The following PARD3B variants were observed in gnomAD, a reference collection of about 807,000 sequenced individuals.
The protein encoded by PARD3B is partitioning defective 3 homolog B.
A neutral mutation model predicts 130.2 loss-of-function variants in PARD3B; 103 were observed. The observed-to-expected ratio is 0.79, with a 90% CI of 0.67 to 0.93. The LOEUF is 0.93. PARD3B is among the 40% of genes least tolerant of loss of function. PARD3B has a pLI of 0.00. For missense variants in PARD3B, 1,609 were observed against 1,499.2 expected (o/e 1.07, Z -1.21); for synonymous variants, 583 against 553.2 (o/e 1.05, Z -0.76).
At position 205,463,362 on chromosome 2, in the gene PARD3B, C is replaced by T. The variant is rs1365918214; in HGVS notation, c.3044+22690C>T. Among the ~76,000 whole-genome samples the T allele has an allele frequency of 6.6e-6, 1 of 151,488 alleles. No homozygotes were observed. The highest frequency in any genetic ancestry group is 2.4e-5 in the African/African-American group (1 of 41,146). On this transcript the variant is annotated intron_variant, in intron 20 of 22. Coordinates refer to ENST00000406610, the MANE Select transcript of PARD3B (RefSeq NM_001302769.2). The surrounding 1 kb of genome is among the most constrained non-coding windows in gnomAD (Gnocchi z 4.8). ...GGCATCCAGAGTAGCCATGGCCTGGCCAGGCACTGCCTTGCGGCCCTTCCA... is the reference window on the plus strand; with the variant it reads ...GGCATCCAGAGTAGCCATGGCCTGGTCAGGCACTGCCTTGCGGCCCTTCCA...
At chr2:204,804,203 T>A (rs192171059) in intron 2 of PARD3B, among the ~76,000 whole-genome samples, 1 of 152,206 alleles carries the variant, frequency 6.6e-6, no homozygotes, top group African/African-American at 2.4e-5. Context: ...TACTCCAGCC[T>A]AGGCGACAGA....
chr2:205,036,333 A>G (rs1400226611), intron 3 of PARD3B, among the ~76,000 whole-genome samples: 1 of 147,016 alleles, frequency 6.8e-6, no homozygotes, highest in Non-Finnish European at 1.5e-5. Context: ...GGCTATATAT[A>G]TAAAAATATA....
rs2040432368 is a variant in PARD3B at position 205,264,539 on chromosome 2, T to C, written c.2185+18717T>C. 3.3e-5 allele frequency among the ~76,000 whole-genome samples: 5 copies of C among 151,084 alleles called. No homozygotes were observed. The Admixed American group carries it at 3.3e-4, about 10-fold the overall frequency. ...GAGGATCTTAAACAGAAAAATGAGATCTTTGTTCAAGTTTTTAAATATTAG... is the reference window on the plus strand; with the variant it reads ...GAGGATCTTAAACAGAAAAATGAGACCTTTGTTCAAGTTTTTAAATATTAG... On this transcript the variant is annotated intron_variant, in intron 16 of 22. Transcript: ENST00000406610.
chr2:205,172,316 A>T lies in PARD3B; in HGVS notation c.1726A>T (p.Met576Leu), dbSNP rs1300820633. Residue 576 changes from methionine (M) to leucine (L), a missense_variant, in exon 12 of 23, where the codon ATG becomes TTG. Physicochemically the swap from Met to Leu is conservative, Grantham distance 15. Coordinates refer to ENST00000406610, the MANE Select transcript of PARD3B (RefSeq NM_001302769.2). ...AMETLRRSMS[M>L]EGNIRGMIQL... ...GGAAACACTTAGGCGGTCAATGTCC[A>T]TGGAGGGAAACATCCGAGGGATGAT... The T allele has an allele frequency of 1.2e-6, 2 of 1,614,036 alleles. No homozygotes were observed. Among genetic ancestry groups the T allele is most frequent in the Non-Finnish European group, 1.7e-6 (2 of 1,180,022 alleles).
chr2:204,547,283 T>A (rs2030049102), intron 1 of PARD3B, among the ~76,000 whole-genome samples: 1 of 152,092 alleles, frequency 6.6e-6, no homozygotes, highest in Non-Finnish European at 1.5e-5. Flanking sequence ...AGAAAAAAAA[T>A]TCAGCTCTGG....
intron 22 of PARD3B, among the ~76,000 whole-genome samples, chr2:205,571,379 CTCACTGTCTTGG>C (rs2106547946): frequency 6.6e-6 from 1 of 152,318 alleles, no homozygotes; most frequent in East Asian, 1.9e-4. Context: ...TAACAAGCTG[CTCACTGTCTTGG>C]CCAAATTAGG....
chr2:204,586,230 C>CT (rs1200589563), intron 1 of PARD3B, among the ~76,000 whole-genome samples: 1 of 152,178 alleles, frequency 6.6e-6, no homozygotes, highest in Non-Finnish European at 1.5e-5. Context: ...ACCTGACACT[C>CT]TTTTAATTAA....
chr2:205,058,411 A>G (rs1559398713), intron 4 of PARD3B, among the ~76,000 whole-genome samples: 1 of 151,962 alleles, frequency 6.6e-6, no homozygotes, highest in Non-Finnish European at 1.5e-5. Flanking sequence ...CGGGTGTAAA[A>G]TATCTCTTCC....
intron 1 of PARD3B, among the ~76,000 whole-genome samples, chr2:204,660,963 C>T (rs1238882303): frequency 6.6e-6 from 1 of 152,146 alleles, no homozygotes; most frequent in African/African-American, 2.4e-5. Flanking sequence ...TCTTTCATTG[C>T]AGTGCCTGGA....
intron 21 of PARD3B, among the ~76,000 whole-genome samples, chr2:205,512,864 A>G (rs926778919): frequency 2.0e-4 from 31 of 152,226 alleles, no homozygotes; most frequent in Non-Finnish European, 3.4e-4. Context: ...CCCCCAAACC[A>G]TGTGGAGACA....
intron 2 of PARD3B, among the ~76,000 whole-genome samples, chr2:204,844,690 T>G (rs754496113): frequency 6.6e-6 from 1 of 152,172 alleles, no homozygotes; most frequent in Non-Finnish European, 1.5e-5. Context: ...TGATAAAGCA[T>G]TGCTCCAGCT....
Position 205,562,873 on chromosome 2 carries a change from A to AC in PARD3B, c.3260+9471dup, listed in dbSNP as rs1287328723. On this transcript the variant is annotated intron_variant, in intron 22 of 22. Coordinates refer to ENST00000406610, the MANE Select transcript of PARD3B (RefSeq NM_001302769.2). The surrounding 1 kb of genome is among the most constrained non-coding windows in gnomAD (Gnocchi z 5.4). ...GTCTTCTCTGACTCCAGCCATTTGC[A>AC]CTGTCCCTTGATTCAAGTTCCTGGG... Among the ~76,000 whole-genome samples the AC allele has an allele frequency of 6.6e-6, 1 of 152,154 alleles. No individual in the cohort carries two copies. Among genetic ancestry groups the AC allele is most frequent in the Non-Finnish European group, 1.5e-5 (1 of 68,038 alleles).
chr2:205,457,969 T>G (rs1397127685), intron 20 of PARD3B, among the ~76,000 whole-genome samples: 1 of 152,170 alleles, frequency 6.6e-6, no homozygotes, highest in Non-Finnish European at 1.5e-5. Flanking sequence ...TATTCTAAAA[T>G]CCAAACACAT....
intron 20 of PARD3B, among the ~76,000 whole-genome samples, chr2:205,444,309 C>T (rs2047830801): frequency 6.6e-6 from 1 of 151,920 alleles, no homozygotes; most frequent in Non-Finnish European, 1.5e-5. Context: ...TTTTAACTAT[C>T]CAGGTGTGGT....
chr2:205,582,223 A>G (rs2054014566), intron 22 of PARD3B, among the ~76,000 whole-genome samples: 2 of 152,190 alleles, frequency 1.3e-5, no homozygotes, highest in African/African-American at 4.8e-5. Flanking sequence ...GCTGTGGGAC[A>G]TCGGCTAACA....
intron 2 of PARD3B, among the ~76,000 whole-genome samples, chr2:204,902,208 A>C (rs2046885957): frequency 2.6e-5 from 4 of 152,182 alleles, no homozygotes; most frequent in Admixed American, 2.6e-4. Flanking sequence ...TTTTCTTTTA[A>C]GGAGCTGTTG....
intron 1 of PARD3B, among the ~76,000 whole-genome samples, chr2:204,674,475 C>T (rs1327729001): frequency 7.2e-6 from 1 of 138,696 alleles, no homozygotes; most frequent in Non-Finnish European, 1.5e-5. Context: ...TAATCCCTTA[C>T]TATTCCTATT....
At chr2:204,965,417 T>C (rs1691148689) in intron 3 of PARD3B, 94 bp downstream of exon 3, 1 of 1,273,960 alleles carries the variant, frequency 7.8e-7, no homozygotes, top group Non-Finnish European at 1.1e-6. Flanking sequence ...TTTCATCCTG[T>C]TAATATTTTA....
At position 205,150,255 on chromosome 2, in the gene PARD3B, A is replaced by ATGTGTGTG. The variant is rs1559487007; in HGVS notation, c.1435-8467_1435-8466insTGTGTGTG. On this transcript the variant is annotated intron_variant, in intron 10 of 22. Coordinates refer to ENST00000406610, the MANE Select transcript of PARD3B (RefSeq NM_001302769.2). ...TGTGTGTGTGTGTGTGTGTGTGTGC[A>ATGTGTGTG]CACACGCTTGAAATCTGTGAGTGGA... 3.7e-3 allele frequency among the ~76,000 whole-genome samples: 521 copies of ATGTGTGTG among 142,288 alleles called. 1 individual carries two copies. Among genetic ancestry groups the ATGTGTGTG allele is most frequent in the East Asian group, 0.021 (97 of 4,552 alleles). 93.3% of individuals were successfully genotyped at this position (142,288 alleles called of 152,430 possible).
Sources: allele counts gnomAD v4.1 joint callset (sites outside exome capture counted in the v4.1 genomes callset), GRCh38; gene constraint gnomAD v4.1.1; non-coding constraint Gnocchi (gnomAD v3.1); transcripts MANE v1.5; gene names NCBI Gene and HGNC (gene_info 2026-07-23, HGNC 2026-07-21).